The following CPNE1 variants were observed in gnomAD, a reference collection of about 807,000 sequenced individuals.
The protein encoded by CPNE1 is copine-1.
Under a neutral mutation model 63.2 loss-of-function variants are expected in CPNE1, and 58 were observed. The observed-to-expected ratio is 0.92, with a 90% CI of 0.74 to 1.14. CPNE1 has a LOEUF of 1.14. CPNE1 is among the 50% of genes most tolerant of loss of function. CPNE1 has a pLI of 0.00. For synonymous variants in CPNE1, 237 were observed against 249.0 expected, an observed-to-expected ratio of 0.95 and a Z score of 0.45; for missense variants, 672 against 661.7, an observed-to-expected ratio of 1.02 and a Z score of -0.17.
chr20:35,630,955 T>A lies in CPNE1; in HGVS notation c.941A>T (p.Asn314Ile). Residue 314 changes from asparagine (N) to isoleucine (I), a missense_variant, in exon 11 of 16, where the codon AAT (asparagine) becomes ATT (isoleucine). Physicochemically the swap from Asn to Ile is moderately radical, Grantham distance 149 (BLOSUM62 -3). Transcript: ENST00000397443. The stretch of plus-strand genomic sequence containing the variant: ...ACTCCACAGTGCCATCAGGTACTCA[T>A]TGACCCCTGTTGGACTCAGGTAGTG... ...SLHYLSPTGV[N>I]EYLMALWSVG... 1 of 1,613,958 alleles carries A rather than the reference T, an allele frequency of 6.2e-7. No individual in the cohort carries two copies. Among genetic ancestry groups the A allele is most frequent in the South Asian group, 1.1e-5 (1 of 91,068 alleles).
chr20:35,652,963 C>T, intron 1 of CPNE1: 1 of 1,613,846 alleles, frequency 6.2e-7, no homozygotes, highest in Non-Finnish European at 8.5e-7. Context: ...CTGAGGGCCC[C>T]CTCCAAATCC....
intron 1 of CPNE1, chr20:35,654,427 A>G: frequency 1.2e-6 from 2 of 1,614,200 alleles, no homozygotes; most frequent in Non-Finnish European, 1.7e-6. Context: ...ATCAGGGTTG[A>G]TGGGGAGTGG....
chr20:35,636,384 A>G (rs1287307010), intron 1 of CPNE1, among the ~76,000 whole-genome samples: 2 of 152,274 alleles, frequency 1.3e-5, no homozygotes, highest in Non-Finnish European at 2.9e-5. Context: ...AATGCTGGGA[A>G]TAGTGAAAAA....
chr20:35,645,717 T>C (rs1408711293), intron 1 of CPNE1, among the ~76,000 whole-genome samples: 3 of 152,222 alleles, frequency 2.0e-5, no homozygotes, highest in Non-Finnish European at 4.4e-5. Flanking sequence ...TAATTAGTAG[T>C]TGCATTAATG....
At chr20:35,640,480 TA>T (rs1395917765) in intron 1 of CPNE1, among the ~76,000 whole-genome samples, 1 of 152,202 alleles carries the variant, frequency 6.6e-6, no homozygotes, top group Middle Eastern at 3.2e-3. Flanking sequence ...ATTTTTGTGA[TA>T]TTTGTGCACT....
chr20:35,632,417 T>A (rs1267394158), intron 3 of CPNE1, 32 bp from the exon 4 acceptor site: 4 of 1,611,534 alleles, frequency 2.5e-6, no homozygotes, highest in Non-Finnish European at 3.4e-6. Context: ...AGTTTCAGGA[T>A]AACAGGCAGG....
intron 1 of CPNE1, chr20:35,648,931 T>TA (rs1361484994): frequency 5.9e-5 from 9 of 152,668 alleles, no homozygotes; most frequent in Non-Finnish European, 8.8e-5. Context: ...TTTGTGCAGT[T>TA]AAAGCATTAA....
At chr20:35,629,846 A>G (rs1013734070) in intron 13 of CPNE1, among the ~76,000 whole-genome samples, 1 of 151,964 alleles carries the variant, frequency 6.6e-6, no homozygotes, top group Non-Finnish European at 1.5e-5. Context: ...TTTAGTAGAG[A>G]TGGGGTTTTG....
At chr20:35,626,880 A>C in intron 14 of CPNE1, 77 bp from the exon 15 acceptor site, 1 of 1,183,458 alleles carries the variant, frequency 8.4e-7, no homozygotes, top group Non-Finnish European at 1.3e-6. Flanking sequence ...ACACATCCCC[A>C]CACTCATAAG....
At position 35,631,331 on chromosome 20, in the gene CPNE1, A is replaced by G. The variant is rs759987488; in HGVS notation, c.738T>C (p.Pro246=). The change falls in exon 9 of 16, where the codon CCT becomes CCC. Residue 246 remains proline, a synonymous_variant. Coordinates refer to ENST00000397443, the MANE Select transcript of CPNE1 (RefSeq NM_152925.3). The part of the protein sequence containing the change: ...AVPAEFECIH[P]EKQQKKKSYK... ...AGCTTTTCTTTTTCTGCTGCTTCTC[A>G]GGGTGGATGCATTCAAACTCAGCCT... 4.3e-6 allele frequency: 7 copies of G among 1,613,976 alleles called. No homozygotes were observed. In the Admixed American group the frequency reaches 6.7e-5, roughly 15 times the overall value.
chr20:35,663,777 G>T (rs1283601691), intron 1 of CPNE1, among the ~76,000 whole-genome samples: 1 of 152,190 alleles, frequency 6.6e-6, no homozygotes, highest in African/African-American at 2.4e-5. Context: ...TAGCAGCTAA[G>T]CCTGCTGCAC....
rs574190180 is a variant in CPNE1, at chr20:35,641,287, G to C, written c.1-8364C>G. On this transcript the variant is annotated intron_variant, in intron 1 of 15. Coordinates refer to ENST00000397443, the MANE Select transcript of CPNE1 (RefSeq NM_152925.3). Reference sequence around the variant, plus strand: ...ATGAAGACTAGAACTCAAATATTCTGATTCCTACCTAATCTCAAACCTTGG... The same window carrying C: ...ATGAAGACTAGAACTCAAATATTCTCATTCCTACCTAATCTCAAACCTTGG... 2.2e-4 allele frequency among the ~76,000 whole-genome samples: 34 copies of C among 152,326 alleles called. 1 individual carries two copies. Among genetic ancestry groups the C allele is most frequent in the African/African-American group, 8.2e-4 (34 of 41,560 alleles).
chr20:35,648,483 A>G (rs186866822), intron 1 of CPNE1, among the ~76,000 whole-genome samples: 3 of 152,306 alleles, frequency 2.0e-5, no homozygotes, highest in East Asian at 1.9e-4. Flanking sequence ...GCCATTTTGG[A>G]TATCTGTAGG....
At chr20:35,652,259 T>C (rs2033576384) in intron 1 of CPNE1, 1 of 336,850 alleles carries the variant, frequency 3.0e-6, no homozygotes, top group Non-Finnish European at 5.4e-6. Flanking sequence ...TATGTGGTCA[T>C]TTGAGTTTTA....
At chr20:35,663,843 A>G (rs1312572809) in intron 1 of CPNE1, among the ~76,000 whole-genome samples, 1 of 152,072 alleles carries the variant, frequency 6.6e-6, no homozygotes, top group Non-Finnish European at 1.5e-5. Flanking sequence ...CCACCACCCA[A>G]TTCACGTGGC....
chr20:35,653,208 A>AT, intron 1 of CPNE1: 1 of 1,613,534 alleles, frequency 6.2e-7, no homozygotes, highest in Non-Finnish European at 8.5e-7. Context: ...TCAGGAAGGC[A>AT]TGCTCTTCAC....
intron 1 of CPNE1, among the ~76,000 whole-genome samples, chr20:35,648,089 A>G (rs2033252213): frequency 6.6e-6 from 1 of 151,760 alleles, no homozygotes; most frequent in African/African-American, 2.4e-5. Context: ...ATTACCATTT[A>G]CCTGAGCAGG....
rs761579934 is a variant in CPNE1, at chr20:35,632,384, A to G, written c.311T>C (p.Ile104Thr). 1 of 1,613,946 alleles carries G rather than the reference A, an allele frequency of 6.2e-7. No individual in the cohort carries two copies. Among genetic ancestry groups the G allele is most frequent in the Non-Finnish European group, 8.5e-7 (1 of 1,179,910 alleles). The change falls in exon 4 of 16, where the codon ATT (isoleucine) becomes ACT (threonine). Residue 104 changes from isoleucine to threonine, a missense_variant and splice_region_variant. Physicochemically the swap from Ile to Thr is moderately conservative, Grantham distance 89 (BLOSUM62 -1). Transcript: ENST00000397443. Reference protein sequence around the residue: ...LGGAECSLGQIVSSQVLTLPL... With the variant: ...LGGAECSLGQTVSSQVLTLPL... ...GAGAGTCAGTACCTGGCTGGACACA[A>G]TCTGGGGAAAAGCAGGGAAGGGAGT...
At chr20:35,636,014 C>T (rs377718957) in intron 1 of CPNE1, among the ~76,000 whole-genome samples, 1 of 152,226 alleles carries the variant, frequency 6.6e-6, no homozygotes. Flanking sequence ...GGAATTCTTA[C>T]TTCTACCTGG....
Sources: allele counts gnomAD v4.1 joint callset (sites outside exome capture counted in the v4.1 genomes callset), GRCh38; gene constraint gnomAD v4.1.1; transcripts MANE v1.5; gene names NCBI Gene and HGNC (gene_info 2026-07-23, HGNC 2026-07-21).